TUBA4B: variants seen among roughly 807,000 people sequenced by gnomAD.
TUBA4B encodes the protein tubulin alpha 4b, also known as tubulin-like protein alpha-4B.
Under a neutral mutation model 18.4 loss-of-function variants are expected in TUBA4B, and 13 were observed. The ratio of observed to expected loss-of-function variants is 0.71; its 90% CI spans 0.46 to 1.12. TUBA4B has a LOEUF of 1.12. Among genes scored for constraint, TUBA4B ranks in the 50% most tolerant of loss-of-function variants. The probability of loss-of-function intolerance (pLI) is 0.00; values close to 1 mark genes in which losing one functional copy is unlikely to be tolerated. For synonymous variants in TUBA4B, 101 were observed against 99.1 expected (o/e 1.02, Z -0.11); for missense variants, 244 against 250.0 (o/e 0.98, Z 0.16).
chr2:219,253,766 T>G (rs1951688372), intron 1 of TUBA4B: 1 of 1,456,126 alleles, frequency 6.9e-7, no homozygotes, highest in African/African-American at 1.4e-5. Context: ...GAACGCCCGG[T>G]GGAGGTCCCC....
rs1559279744 is a variant in TUBA4B, at chr2:219,259,163, TAAA to T, written c.12+5745_12+5747del. Among the ~76,000 whole-genome samples, 136 of 147,366 alleles carry T rather than the reference TAAA, an allele frequency of 9.2e-4. 1 individual carries two copies. The highest frequency in any genetic ancestry group is 3.3e-3 in the African/African-American group (129 of 39,016). ...ATAAATAAATAAATAAATAAATAAA[TAAA>T]TAAATTATCCGGGCATGGTGGCAGG... On this transcript the variant is annotated intron_variant, in intron 1 of 3. Transcript: ENST00000490341.
chr2:219,266,479 T>C (rs1574893454), intron 1 of TUBA4B, 42 bp from the exon 2 acceptor site: 1 of 697,460 alleles, frequency 1.4e-6, no homozygotes. Context: ...GGCTGGCCGC[T>C]GCAGGCCTCT....
intron 1 of TUBA4B, among the ~76,000 whole-genome samples, chr2:219,261,111 C>T (rs563572713): frequency 4.2e-4 from 64 of 152,102 alleles, no homozygotes; most frequent in African/African-American, 1.5e-3. Flanking sequence ...ATGGCTTGAA[C>T]AATGAGGGCA....
chr2:219,271,031 T>C (rs73991451), intron 3 of TUBA4B, 135 bp from the exon 4 acceptor site: 23,902 of 602,476 alleles, frequency 0.04, 1,641 homozygotes, highest in African/African-American at 0.21. Context: ...TCTATGAGGA[T>C]CTCTTTTGTG....
intron 1 of TUBA4B, among the ~76,000 whole-genome samples, chr2:219,265,915 A>C (rs1434535282): frequency 1.3e-5 from 2 of 152,204 alleles, no homozygotes; most frequent in Admixed American, 1.3e-4. Flanking sequence ...ACCTCTCCCC[A>C]TTCTCCAGAG....
intron 1 of TUBA4B, among the ~76,000 whole-genome samples, chr2:219,262,277 CTCCA>C (rs1301954784): frequency 1.5e-4 from 23 of 152,350 alleles, no homozygotes; most frequent in African/African-American, 3.1e-4. Context: ...TGCCACTGCA[CTCCA>C]TCCAGCCTGG....
chr2:219,258,068 A>C (rs1390063893), intron 1 of TUBA4B, among the ~76,000 whole-genome samples: 3 of 145,372 alleles, frequency 2.1e-5, no homozygotes, highest in Non-Finnish European at 4.5e-5. Flanking sequence ...CTCACAGTGC[A>C]ATGCAACCTC....
In TUBA4B at chr2:219,272,138, G is replaced by T. The variant is rs999132838; in HGVS notation, c.*439G>T. The stretch of plus-strand genomic sequence containing the variant: ...GGGGGGAAGAAAAGATAGGGGGGAT[G>T]AATACTAGGGGAATACTGTGTGTCT... On this transcript the variant is annotated 3_prime_UTR_variant, in exon 4 of 4. Coordinates refer to ENST00000490341, the MANE Select transcript of TUBA4B (RefSeq NM_001355221.1). 6.0e-6 allele frequency: 4 copies of T among 670,366 alleles called. No homozygotes were observed. The highest frequency in any genetic ancestry group is 4.1e-4 in the Middle Eastern group (1 of 2,432). The allele number at this position is 670,366 out of a possible 1,614,324, so 41.5% of individuals were successfully genotyped here.
intron 2 of TUBA4B, among the ~76,000 whole-genome samples, chr2:219,266,825 T>A (rs1387983252): frequency 2.0e-5 from 3 of 151,860 alleles, no homozygotes; most frequent in Non-Finnish European, 4.4e-5. Context: ...GAAGCAGGGC[T>A]GCTGAGGGGG....
rs1033804154 is a variant in TUBA4B at position 219,266,560 on chromosome 2, C to T, written c.52C>T (p.Gln18Ter). Residue 18 changes from glutamine to a stop codon, truncating the protein, a stop_gained, in exon 2 of 4, where the codon CAG (glutamine) becomes TAG (stop). Transcript: ENST00000490341. LOFTEE classifies it high-confidence loss of function. ...AGACCCCAGCCAGCCCCTGTCCAGG[C>T]AGCATGGTGAGTAGAAGGGGCCTTG... is the stretch of plus-strand genomic sequence containing the variant. ...RQDPSQPLSR[Q>*]HGTYRQIFHP... 2.8e-6 allele frequency: 2 copies of T among 702,902 alleles called. No individual in the cohort carries two copies. The highest frequency in any genetic ancestry group is 1.7e-5 in the African/African-American group (1 of 57,276). The allele number at this position is 702,902 out of a possible 1,614,324, so 43.5% of individuals were successfully genotyped here. A position where few individuals can be genotyped will look rare whatever the true frequency, so the allele number is the denominator to read the frequency against.
chr2:219,271,053 G>A, intron 3 of TUBA4B, 113 bp from the exon 4 acceptor site: 2 of 607,042 alleles, frequency 3.3e-6, no homozygotes, highest in Non-Finnish European at 5.9e-6. Context: ...TCTTGGAAAA[G>A]TCTTCCAAGG....
At chr2:219,261,908 A>C (rs144689358) in intron 1 of TUBA4B, among the ~76,000 whole-genome samples, 2,635 of 152,284 alleles carry the variant, frequency 0.017, 30 homozygotes, top group Non-Finnish European at 0.03. Flanking sequence ...TTTTGGACAC[A>C]CTGGGCTAGT....
At chr2:219,265,440 C>G (rs1951784167) in intron 1 of TUBA4B, among the ~76,000 whole-genome samples, 1 of 152,116 alleles carries the variant, frequency 6.6e-6, no homozygotes, top group South Asian at 2.1e-4. Flanking sequence ...AGTTTGAGAC[C>G]AGCCTGGCCA....
intron 1 of TUBA4B, among the ~76,000 whole-genome samples, chr2:219,266,003 A>G (rs1409153191): frequency 6.6e-6 from 1 of 152,222 alleles, no homozygotes; most frequent in Non-Finnish European, 1.5e-5. Context: ...CGCTTGTTCT[A>G]TGATATTCTG....
At chr2:219,263,134 T>C (rs924772498) in intron 1 of TUBA4B, among the ~76,000 whole-genome samples, 1 of 152,168 alleles carries the variant, frequency 6.6e-6, no homozygotes, top group African/African-American at 2.4e-5. Flanking sequence ...TCAATATTTG[T>C]TGAAGAAATT....
intron 1 of TUBA4B, among the ~76,000 whole-genome samples, chr2:219,262,710 C>T (rs1343730591): frequency 2.0e-5 from 3 of 152,082 alleles, no homozygotes; most frequent in African/African-American, 7.2e-5. Context: ...GAGGCAGAGT[C>T]GCATTATGTT....
At chr2:219,262,381 A>G (rs1312969366) in intron 1 of TUBA4B, among the ~76,000 whole-genome samples, 1 of 152,254 alleles carries the variant, frequency 6.6e-6, no homozygotes, top group Admixed American at 6.5e-5. Context: ...GCTTCTGTTC[A>G]GTCTAAAATA....
intron 1 of TUBA4B, among the ~76,000 whole-genome samples, chr2:219,255,433 A>G (rs544945886): frequency 3.3e-5 from 5 of 152,218 alleles, no homozygotes; most frequent in African/African-American, 1.2e-4. Context: ...GGGTTTCACC[A>G]TGTTGGTCAG....
Position 219,271,455 on chromosome 2 carries a change from C to A in TUBA4B, c.482C>A (p.Pro161Gln). Residue 161 changes from proline to glutamine, a missense_variant, in exon 4 of 4, where the codon CCA becomes CAA. Physicochemically the swap from Pro to Gln is moderately conservative, Grantham distance 76 (BLOSUM62 -1). Coordinates refer to ENST00000490341, the MANE Select transcript of TUBA4B (RefSeq NM_001355221.1). ...CACTGCAACCTAGACATCGAGCGCCCAACCTACACCAACCTCAATCGCCTC... is the reference window on the plus strand; with the variant it reads ...CACTGCAACCTAGACATCGAGCGCCAAACCTACACCAACCTCAATCGCCTC... ...ICHCNLDIER[P>Q]TYTNLNRLIS... is the part of the protein sequence containing the mutation. 1 of 1,614,158 alleles carries A rather than the reference C, an allele frequency of 6.2e-7. No homozygotes were observed. Among genetic ancestry groups the A allele is most frequent in the Non-Finnish European group, 8.5e-7 (1 of 1,180,020 alleles).
Sources: allele counts gnomAD v4.1 joint callset (sites outside exome capture counted in the v4.1 genomes callset), GRCh38; gene constraint gnomAD v4.1.1; transcripts MANE v1.5; gene names NCBI Gene and HGNC (gene_info 2026-07-23, HGNC 2026-07-21).